The following SPAG16 variants were observed in gnomAD, a reference collection of about 807,000 sequenced individuals.
The protein encoded by SPAG16 is sperm associated antigen 16, also known as sperm-associated antigen 16 protein.
SPAG16 carries 86 observed loss-of-function variants against 80.4 expected under a neutral mutation model. The ratio of observed to expected loss-of-function variants is 1.07; its 90% confidence interval spans 0.90 to 1.28. The LOEUF (loss-of-function observed/expected upper bound fraction) is 1.28, where lower values mean the gene tolerates loss of function less well. SPAG16 is among the 50% of genes most tolerant of loss of function. The probability of loss-of-function intolerance (pLI) is 0.00; values close to 1 mark genes in which losing one functional copy is unlikely to be tolerated. For missense variants in SPAG16, 870 were observed against 765.3 expected (o/e 1.14, Z -1.61); for synonymous variants, 294 against 265.9 (o/e 1.11, Z -1.03).
At chr2:214,330,912 G>C (rs765129074) in intron 15 of SPAG16, among the ~76,000 whole-genome samples, 1 of 152,146 alleles carries the variant, frequency 6.6e-6, no homozygotes, top group Non-Finnish European at 1.5e-5. Flanking sequence ...ATATCATCTG[G>C]GAGCAGCACC....
chr2:213,518,581 A>G (rs2075536103), intron 10 of SPAG16, among the ~76,000 whole-genome samples: 1 of 152,184 alleles, frequency 6.6e-6, no homozygotes. Context: ...AAAAGTCAAA[A>G]AACAACAGAT....
intron 10 of SPAG16, among the ~76,000 whole-genome samples, chr2:213,589,900 C>A (rs1015802192): frequency 1.9e-4 from 27 of 142,546 alleles, no homozygotes; most frequent in South Asian, 1.3e-3. Context: ...CCAGCCCGGG[C>A]AACAGAACGA....
At chr2:213,924,796 C>G (rs1210452705) in intron 11 of SPAG16, among the ~76,000 whole-genome samples, 1 of 152,056 alleles carries the variant, frequency 6.6e-6, no homozygotes, top group East Asian at 1.9e-4. Flanking sequence ...TTAGCTTCCA[C>G]TTTAGTCTAT....
chr2:214,230,813 G>T (rs970095178), intron 15 of SPAG16, among the ~76,000 whole-genome samples: 2 of 151,826 alleles, frequency 1.3e-5, no homozygotes, highest in African/African-American at 4.8e-5. Flanking sequence ...ATGAGGAGGG[G>T]TCATTACAGA....
At chr2:214,032,678 T>C (rs1337967153) in intron 13 of SPAG16, among the ~76,000 whole-genome samples, 1 of 152,174 alleles carries the variant, frequency 6.6e-6, no homozygotes, top group African/African-American at 2.4e-5. Context: ...AAGGCCTTGG[T>C]AAAGATCAGA....
intron 15 of SPAG16, among the ~76,000 whole-genome samples, chr2:214,361,210 T>A (rs954893904): frequency 6.6e-6 from 1 of 151,862 alleles, no homozygotes; most frequent in African/African-American, 2.4e-5. Flanking sequence ...GGTATCATTT[T>A]ATGACCCCCA....
At chr2:214,148,372 A>C (rs919961345) in intron 14 of SPAG16, among the ~76,000 whole-genome samples, 2 of 152,182 alleles carry the variant, frequency 1.3e-5, no homozygotes, top group African/African-American at 4.8e-5. Flanking sequence ...ACTATGCTGC[A>C]AAACTATCTC....
chr2:214,000,329 C>A (rs2046734948), intron 12 of SPAG16, among the ~76,000 whole-genome samples: 1 of 152,076 alleles, frequency 6.6e-6, no homozygotes, highest in Non-Finnish European at 1.5e-5. Flanking sequence ...TTTGCATCAT[C>A]CTCATTTTCT....
At chr2:213,852,315 T>C (rs1477752447) in intron 10 of SPAG16, among the ~76,000 whole-genome samples, 1 of 152,232 alleles carries the variant, frequency 6.6e-6, no homozygotes, top group Non-Finnish European at 1.5e-5. Flanking sequence ...CTTTCCATTT[T>C]CCACAGAGCA....
intron 15 of SPAG16, among the ~76,000 whole-genome samples, chr2:214,303,968 T>C (rs909638547): frequency 1.3e-5 from 2 of 152,164 alleles, no homozygotes; most frequent in African/African-American, 4.8e-5. Flanking sequence ...GTATTAAGCC[T>C]AGTACCCATT....
At chr2:214,407,312 A>AAGACAAT (rs1702048794) in intron 15 of SPAG16, among the ~76,000 whole-genome samples, 1 of 152,076 alleles carries the variant, frequency 6.6e-6, no homozygotes, top group Non-Finnish European at 1.5e-5. Context: ...TACATGTTAC[A>AAGACAAT]AGACAATATT....
At chr2:213,720,742 C>CTTTTT (rs564036456) in intron 10 of SPAG16, among the ~76,000 whole-genome samples, 19 of 78,934 alleles carry the variant, frequency 2.4e-4, no homozygotes, top group African/African-American at 8.3e-4. Flanking sequence ...GAAGTAAGTC[C>CTTTTT]TTTTTTTTTT....
chr2:213,702,633 C>T (rs149568208), intron 10 of SPAG16, among the ~76,000 whole-genome samples: 1 of 152,166 alleles, frequency 6.6e-6, no homozygotes, highest in African/African-American at 2.4e-5. Flanking sequence ...AAAATTATTT[C>T]ATCATATGAT....
intron 15 of SPAG16, among the ~76,000 whole-genome samples, chr2:214,192,262 G>A (rs1013604700): frequency 2.0e-5 from 3 of 152,116 alleles, no homozygotes; most frequent in African/African-American, 7.2e-5. Flanking sequence ...ATAGAACAGT[G>A]TAGTCATTTT....
intron 10 of SPAG16, among the ~76,000 whole-genome samples, chr2:213,830,179 C>G (rs1175464714): frequency 1.3e-5 from 2 of 152,172 alleles, no homozygotes; most frequent in African/African-American, 2.4e-5. Flanking sequence ...AACTGAAGTT[C>G]CAACCAGTGG....
intron 15 of SPAG16, among the ~76,000 whole-genome samples, chr2:214,267,621 C>A (rs548989970): frequency 6.6e-6 from 1 of 151,682 alleles, no homozygotes; most frequent in Non-Finnish European, 1.5e-5. Flanking sequence ...ACCTCAAAAG[C>A]ACAAGCACCA....
intron 14 of SPAG16, among the ~76,000 whole-genome samples, chr2:214,125,092 G>T (rs2054407934): frequency 6.6e-6 from 1 of 151,232 alleles, no homozygotes. Context: ...TTATTTGGGT[G>T]GTTGTGAAGT....
chr2:214,392,973 T>A (rs924659960), intron 15 of SPAG16, among the ~76,000 whole-genome samples: 2 of 152,190 alleles, frequency 1.3e-5, no homozygotes, highest in African/African-American at 2.4e-5. Flanking sequence ...GAAATACTAG[T>A]GGAATTCATT....
At chr2:213,771,403 G>T (rs1292197804) in intron 10 of SPAG16, among the ~76,000 whole-genome samples, 5 of 152,088 alleles carry the variant, frequency 3.3e-5, no homozygotes, top group African/African-American at 9.7e-5. Context: ...TCTGTAGGTT[G>T]TCTGTTCACT....
Sources: allele counts gnomAD v4.1 joint callset (sites outside exome capture counted in the v4.1 genomes callset), GRCh38; gene constraint gnomAD v4.1.1; transcripts MANE v1.5; gene names NCBI Gene and HGNC (gene_info 2026-07-23, HGNC 2026-07-21).